CFH: variants seen among roughly 807,000 people sequenced by gnomAD.
CFH encodes the protein complement factor H.
A neutral mutation model predicts 147.3 loss-of-function variants in CFH; 53 were observed. The ratio of observed to expected loss-of-function variants is 0.36; its 90% CI spans 0.29 to 0.45. The LOEUF (loss-of-function observed/expected upper bound fraction) is 0.45. CFH is among the 20% of genes least tolerant of loss of function. The pLI, the probability that CFH is intolerant of heterozygous loss-of-function variation, is 1.00. For synonymous variants in CFH, 536 were observed against 489.4 expected, an observed-to-expected ratio of 1.10 and a Z score of -1.26; for missense variants, 1,380 against 1,498.0, an observed-to-expected ratio of 0.92 and a Z score of 1.30.
chr1:196,709,020 C>A (rs1223315304), intron 9 of CFH, among the ~76,000 whole-genome samples: 1 of 152,136 alleles, frequency 6.6e-6, no homozygotes, highest in Non-Finnish European at 1.5e-5. Context: ...TAGTTCTTGA[C>A]AACGGAACTA....
In CFH at chr1:196,736,993, A is replaced by T. The variant is rs751859818; in HGVS notation, c.2583A>T (p.Ile861=). Reference sequence around the variant, plus strand: ...GCAAAGATGGAAGATGGCAGTCAATACCACTCTGTGTTGGTCAGTAGTGTA... The same window carrying T: ...GCAAAGATGGAAGATGGCAGTCAATTCCACTCTGTGTTGGTCAGTAGTGTA... ...ITCKDGRWQS[I]PLCVEKIPCS... The change falls in exon 16 of 22, where the codon ATA becomes ATT. Residue 861 remains isoleucine, a synonymous_variant. Transcript: ENST00000367429. 2 of 1,609,930 alleles carry T rather than the reference A, an allele frequency of 1.2e-6. No homozygotes were observed.
At chr1:196,740,878 C>T in intron 18 of CFH, 86 bp downstream of exon 18, 1 of 1,308,062 alleles carries the variant, frequency 7.6e-7, no homozygotes, top group Non-Finnish European at 1.1e-6. Flanking sequence ...TAAACAGGGA[C>T]TCTAGAAATT....
chr1:196,734,676 G>T (rs138183160), intron 15 of CFH, among the ~76,000 whole-genome samples: 67 of 152,082 alleles, frequency 4.4e-4, no homozygotes, highest in Non-Finnish European at 8.1e-4. Context: ...AGGGAGAGTG[G>T]TGGCTTCCTA....
Position 196,689,490 on chromosome 1 carries a change from T to C in CFH, c.1035T>C (p.Phe345=), listed in dbSNP as rs1028570632. Residue 345 remains phenylalanine, a synonymous_variant, in exon 8 of 22, where the codon TTT becomes TTC. Coordinates refer to ENST00000367429, the MANE Select transcript of CFH (RefSeq NM_000186.4). ...ATGAGAATATGCGTAGACCATACTT[T>C]CCAGTAGCTGTAGGAAAATATTACT... ...LYHENMRRPY[F]PVAVGKYYSY... is the part of the protein sequence containing the mutation. 1 of 1,613,612 alleles carries C rather than the reference T, an allele frequency of 6.2e-7. No homozygotes were observed. Among genetic ancestry groups the C allele is most frequent in the Non-Finnish European group, 8.5e-7 (1 of 1,179,676 alleles).
At chr1:196,670,384 A>T (rs1328510519) in intron 1 of CFH, among the ~76,000 whole-genome samples, 2 of 152,054 alleles carry the variant, frequency 1.3e-5, no homozygotes, top group African/African-American at 4.8e-5. Flanking sequence ...CCCTACCCAA[A>T]TCTCATCTTA....
intron 9 of CFH, among the ~76,000 whole-genome samples, chr1:196,710,180 G>A (rs139016588): frequency 1.6e-3 from 245 of 152,126 alleles, no homozygotes; most frequent in African/African-American, 5.8e-3. Flanking sequence ...AAATTTTCTA[G>A]CCCGTCACCC....
chr1:196,746,314 G>A (rs1176356980), intron 21 of CFH, among the ~76,000 whole-genome samples: 1 of 152,078 alleles, frequency 6.6e-6, no homozygotes, highest in Non-Finnish European at 1.5e-5. Flanking sequence ...TAACCGGCAT[G>A]GTGACGGGCA....
At chr1:196,713,585 T>C (rs1338517530) in intron 9 of CFH, 150 bp from the exon 10 acceptor site, 1 of 551,432 alleles carries the variant, frequency 1.8e-6, no homozygotes, top group African/African-American at 1.9e-5. Flanking sequence ...TCTGAGCTTA[T>C]TTTCCTTGAC....
intron 6 of CFH, among the ~76,000 whole-genome samples, chr1:196,683,511 G>A (rs1667725213): frequency 6.6e-6 from 1 of 151,662 alleles, no homozygotes; most frequent in African/African-American, 2.4e-5. Flanking sequence ...TTGAAGGGGA[G>A]GAGAAATGTA....
At chr1:196,680,574 G>T (rs1316221132) in intron 6 of CFH, among the ~76,000 whole-genome samples, 3 of 151,980 alleles carry the variant, frequency 2.0e-5, no homozygotes, top group Middle Eastern at 6.8e-3. Flanking sequence ...TAACAGTTTT[G>T]AGATATTTTC....
intron 9 of CFH, among the ~76,000 whole-genome samples, chr1:196,706,448 C>T (rs1468663724): frequency 1.3e-5 from 2 of 151,492 alleles, no homozygotes; most frequent in Non-Finnish European, 2.9e-5. Flanking sequence ...AAGAGGTGAA[C>T]AGAGAAAAAA....
chr1:196,747,383 T>A lies in CFH; in HGVS notation c.*70T>A, dbSNP rs995866468. 55 of 1,596,336 alleles carry A rather than the reference T, an allele frequency of 3.4e-5. 1 individual carries two copies. In the African/African-American group the frequency reaches 3.8e-4, roughly 11 times the overall value. ...AATCAGTTCTCAATTTCATTTTTTATGTATTGTTTTACTCCTTTTTATTCA... is the reference window on the plus strand; with the variant it reads ...AATCAGTTCTCAATTTCATTTTTTAAGTATTGTTTTACTCCTTTTTATTCA... On this transcript the variant is annotated 3_prime_UTR_variant, in exon 22 of 22. Transcript: ENST00000367429.
chr1:196,660,608 G>T (rs559111871), intron 1 of CFH, among the ~76,000 whole-genome samples: 1 of 152,178 alleles, frequency 6.6e-6, no homozygotes, highest in African/African-American at 2.4e-5. Flanking sequence ...AATAGAACAG[G>T]GGCGGTCATA....
intron 9 of CFH, among the ~76,000 whole-genome samples, chr1:196,706,419 T>C (rs1668589985): frequency 6.6e-6 from 1 of 151,780 alleles, no homozygotes; most frequent in Non-Finnish European, 1.5e-5. Flanking sequence ...AAAAAATCAC[T>C]AGGCAGAGCA....
intron 9 of CFH, among the ~76,000 whole-genome samples, chr1:196,711,571 T>A (rs1309238499): frequency 6.6e-6 from 1 of 152,078 alleles, no homozygotes; most frequent in Non-Finnish European, 1.5e-5. Context: ...TTTTAATTTT[T>A]TTTTAAGTTT....
At chr1:196,692,526 C>G (rs1035509409) in intron 9 of CFH, 1 of 149,726 alleles carries the variant, frequency 6.7e-6, no homozygotes, top group African/African-American at 2.7e-5. Flanking sequence ...TCCTTCCTTC[C>G]TTTTTCTTTC....
In CFH at chr1:196,745,864, A is replaced by T. The variant is rs771435716; in HGVS notation, c.3358A>T (p.Ile1120Phe). The T allele has an allele frequency of 2.3e-5, 37 of 1,614,046 alleles. No homozygotes were observed. The South Asian group carries it at 3.7e-4, about 16-fold the overall frequency. Residue 1120 changes from isoleucine (I) to phenylalanine (F), a missense_variant, in exon 21 of 22, where the codon ATT becomes TTT. Physicochemically the swap from Ile to Phe is conservative, Grantham distance 21. Transcript: ENST00000367429. ...CCCTCCACCTATTGACAATGGGGAC[A>T]TTACTTCATTCCCGTTGTCAGTATA... ...GPPPPIDNGDITSFPLSVYAP... is the reference protein window; with the variant it reads ...GPPPPIDNGDFTSFPLSVYAP...
chr1:196,692,394 T>G (rs1207429710), intron 9 of CFH: 3 of 837,384 alleles, frequency 3.6e-6, no homozygotes, highest in Non-Finnish European at 4.3e-6. Context: ...AGGCTAATAA[T>G]ATGCCTTGAT....
At chr1:196,706,065 A>C (rs1228590134) in intron 9 of CFH, among the ~76,000 whole-genome samples, 1 of 152,020 alleles carries the variant, frequency 6.6e-6, no homozygotes, top group Non-Finnish European at 1.5e-5. Flanking sequence ...CAGAAGGCTG[A>C]GTATGCTATT....
Sources: gnomAD v4.1 joint callset for allele counts (sites outside exome capture counted in the v4.1 genomes callset) on GRCh38, gnomAD v4.1.1 for gene constraint, MANE v1.5 for transcripts, NCBI Gene and HGNC (gene_info 2026-07-23, HGNC 2026-07-21) for gene names.